Variants in TMEM132C observed in about 807,000 individuals in gnomAD.
TMEM132C encodes transmembrane protein 132C.
Under a neutral mutation model 61.4 loss-of-function variants are expected in TMEM132C, and 29 were observed. The ratio of observed to expected loss-of-function variants is 0.47; its 90% CI spans 0.35 to 0.64. TMEM132C has a LOEUF of 0.64. TMEM132C is among the 30% of genes least tolerant of loss of function. TMEM132C has a pLI of 0.00. For synonymous variants in TMEM132C, 656 were observed against 633.1 expected (o/e 1.04, Z -0.54); for missense variants, 1,408 against 1,476.9 (o/e 0.95, Z 0.76).
In TMEM132C at chr12:128,617,787, G is replaced by A. The variant is rs186116878; in HGVS notation, c.1305+1452G>A. 1.9e-4 allele frequency among the ~76,000 whole-genome samples: 29 copies of A among 152,288 alleles called. No individual in the cohort carries two copies. The East Asian group carries it at 4.2e-3, about 22-fold the overall frequency. ...AAAATTTGGCTTTCACTGAAACAGG[G>A]AACAGATGCTGGTCAGACAAAATAG... On this transcript the variant is annotated intron_variant, in intron 4 of 8. Coordinates refer to ENST00000435159, the MANE Select transcript of TMEM132C (RefSeq NM_001136103.3).
chr12:128,382,339 A>G (rs1250825403), intron 1 of TMEM132C, among the ~76,000 whole-genome samples: 1 of 152,216 alleles, frequency 6.6e-6, no homozygotes, highest in Non-Finnish European at 1.5e-5. Context: ...TGTGATAAAA[A>G]CACAAGGTAT....
chr12:128,459,384 T>C (rs1870452741), intron 2 of TMEM132C, among the ~76,000 whole-genome samples: 2 of 152,152 alleles, frequency 1.3e-5, no homozygotes, highest in South Asian at 4.1e-4. Flanking sequence ...TCACTGTGGC[T>C]GGGGTAGAGA....
At chr12:128,276,672 C>T (rs1490132118) in intron 1 of TMEM132C, among the ~76,000 whole-genome samples, 1 of 152,182 alleles carries the variant, frequency 6.6e-6, no homozygotes, top group African/African-American at 2.4e-5. Context: ...CAATTGGTCC[C>T]TCTGGCCCCA....
At position 128,366,270 on chromosome 12, in the gene TMEM132C, C is replaced by T. The variant is rs570977576; in HGVS notation, c.86-48462C>T. Among the ~76,000 whole-genome samples the T allele has an allele frequency of 5.9e-5, 9 of 152,332 alleles. No homozygotes were observed. In the East Asian group the frequency reaches 9.7e-4, roughly 16 times the overall value. On this transcript the variant is annotated intron_variant, in intron 1 of 8. Transcript: ENST00000435159. Reference sequence around the variant, plus strand: ...TTTTTTACCTCCCCTGTCCCCTACCCGGTTTTCTAGCCTTTGAGGGAACTG... The same window carrying T: ...TTTTTTACCTCCCCTGTCCCCTACCTGGTTTTCTAGCCTTTGAGGGAACTG...
At chr12:128,704,608 A>G (rs1954823725) in intron 8 of TMEM132C, among the ~76,000 whole-genome samples, 1 of 152,168 alleles carries the variant, frequency 6.6e-6, no homozygotes, top group East Asian at 1.9e-4. Flanking sequence ...TTCTGATGTC[A>G]TTGGTTCTGA....
chr12:128,497,028 G>C (rs542745655), intron 2 of TMEM132C, among the ~76,000 whole-genome samples: 32 of 152,326 alleles, frequency 2.1e-4, no homozygotes, highest in Non-Finnish European at 3.7e-4. Flanking sequence ...TGTCCTTTCT[G>C]TTTGTTAGTT....
intron 3 of TMEM132C, among the ~76,000 whole-genome samples, chr12:128,545,916 A>G (rs1873934967): frequency 6.8e-6 from 1 of 147,438 alleles, no homozygotes; most frequent in South Asian, 2.1e-4. Flanking sequence ...GATTGGTATT[A>G]AAGAAAGAAA....
At chr12:128,643,934 A>T (rs979674325) in intron 4 of TMEM132C, among the ~76,000 whole-genome samples, 3 of 152,238 alleles carry the variant, frequency 2.0e-5, no homozygotes, top group Admixed American at 1.3e-4. Flanking sequence ...TAATATTAGA[A>T]AATGGATTTG....
rs141466791 is a variant in TMEM132C, at chr12:128,625,513, A to G, written c.1305+9178A>G. Among the ~76,000 whole-genome samples the G allele has an allele frequency of 9.8e-4, 149 of 152,340 alleles. 2 individuals are homozygous for G. In the East Asian group the frequency reaches 0.026, roughly 27 times the overall value. On this transcript the variant is annotated intron_variant, in intron 4 of 8. Coordinates refer to ENST00000435159, the MANE Select transcript of TMEM132C (RefSeq NM_001136103.3). ...TTCCACATGGCTGGGGAGGCCTCAC[A>G]ATCATGGTGGAAGGCAAGGAGGAGC... is the stretch of plus-strand genomic sequence containing the variant.
chr12:128,412,560 G>T (rs1868597131), intron 1 of TMEM132C, among the ~76,000 whole-genome samples: 1 of 152,108 alleles, frequency 6.6e-6, no homozygotes. Flanking sequence ...TCGGGGTAGT[G>T]AGTAAGTCTC....
chr12:128,684,072 C>T (rs950972796), intron 5 of TMEM132C, among the ~76,000 whole-genome samples: 2 of 152,148 alleles, frequency 1.3e-5, no homozygotes, highest in East Asian at 1.9e-4. Flanking sequence ...CCGGCCTAAA[C>T]GTCACCTCAC....
chr12:128,533,121 A>G (rs908216758), intron 2 of TMEM132C, among the ~76,000 whole-genome samples: 2 of 152,170 alleles, frequency 1.3e-5, no homozygotes, highest in Non-Finnish European at 2.9e-5. Flanking sequence ...GCAAAGGGCC[A>G]GCCCTCCTCT....
At chr12:128,619,216 A>T (rs982406084) in intron 4 of TMEM132C, among the ~76,000 whole-genome samples, 1 of 152,224 alleles carries the variant, frequency 6.6e-6, no homozygotes. Context: ...ATCGTTTTAA[A>T]GAAAACAAAC....
chr12:128,312,494 T>A (rs1225701382), intron 1 of TMEM132C, among the ~76,000 whole-genome samples: 2 of 152,066 alleles, frequency 1.3e-5, no homozygotes, highest in East Asian at 3.9e-4. Flanking sequence ...TTTATGGAGA[T>A]GGGGTTTCAC....
intron 6 of TMEM132C, 117 bp downstream of exon 6, chr12:128,694,151 C>T (rs574209584): frequency 1.2e-5 from 14 of 1,209,894 alleles, no homozygotes; most frequent in Admixed American, 2.6e-5. Flanking sequence ...GTTGAATCTC[C>T]CCAGGGCTCC....
At chr12:128,650,478 C>G (rs528835325) in intron 4 of TMEM132C, among the ~76,000 whole-genome samples, 1 of 152,228 alleles carries the variant, frequency 6.6e-6, no homozygotes, top group East Asian at 1.9e-4. Context: ...AATCCCAGCA[C>G]TTTGGGAGGC....
chr12:128,371,753 T>A (rs1874034120), intron 1 of TMEM132C, among the ~76,000 whole-genome samples: 1 of 152,046 alleles, frequency 6.6e-6, no homozygotes, highest in African/African-American at 2.4e-5. Context: ...ATTTTTAAAA[T>A]TTTTTTATAG....
chr12:128,366,243 C>G (rs11613453), intron 1 of TMEM132C, among the ~76,000 whole-genome samples: 14,838 of 152,228 alleles, frequency 0.097, 1,284 homozygotes, highest in East Asian at 0.46. Context: ...GTCTGCTTTT[C>G]CTTTTTTACC....
chr12:128,463,660 C>A (rs114323921), intron 2 of TMEM132C, among the ~76,000 whole-genome samples: 1,704 of 151,982 alleles, frequency 0.011, 22 homozygotes, highest in African/African-American at 0.039. Context: ...CTGGAAGGGC[C>A]TGCCTGGCTA....
Sources: gnomAD v4.1 joint callset for allele counts (sites outside exome capture counted in the v4.1 genomes callset) on GRCh38, gnomAD v4.1.1 for gene constraint, MANE v1.5 for transcripts, NCBI Gene and HGNC (gene_info 2026-07-23, HGNC 2026-07-21) for gene names.